The following FMNL2 variants were observed in gnomAD, a reference collection of about 807,000 sequenced individuals.
FMNL2 encodes the protein formin-like protein 2.
In FMNL2, 51 loss-of-function variants were observed where a neutral mutation model predicts 130.2. The ratio of observed to expected loss-of-function variants is 0.39; its 90% CI spans 0.31 to 0.49. FMNL2 has a LOEUF of 0.49. Among genes scored for constraint, FMNL2 ranks in the 20% least tolerant of loss-of-function variants. The pLI is 0.85. For missense variants in FMNL2, 977 were observed against 1,316.2 expected (o/e 0.74, Z 3.99); for synonymous variants, 465 against 467.1 (o/e 1.00, Z 0.06).
chr2:152,541,397 A>G (rs1162408209), intron 2 of FMNL2, among the ~76,000 whole-genome samples: 1 of 152,014 alleles, frequency 6.6e-6, no homozygotes, highest in Admixed American at 6.6e-5. Flanking sequence ...ATGAATCTTT[A>G]TTTTTCCTTT....
intron 1 of FMNL2, among the ~76,000 whole-genome samples, chr2:152,509,478 A>G (rs758429005): frequency 2.0e-4 from 31 of 152,074 alleles, no homozygotes; most frequent in Non-Finnish European, 4.6e-4. Context: ...AAAGCATCCA[A>G]ATATGCCAGA....
intron 25 of FMNL2, among the ~76,000 whole-genome samples, chr2:152,646,561 C>T (rs1339141325): frequency 6.7e-6 from 1 of 148,836 alleles, no homozygotes; most frequent in Non-Finnish European, 1.5e-5. Flanking sequence ...CCAATTTAAA[C>T]ACCAGGAAAC....
chr2:152,479,614 C>T (rs933099842), intron 1 of FMNL2, among the ~76,000 whole-genome samples: 1 of 151,414 alleles, frequency 6.6e-6, no homozygotes, highest in Non-Finnish European at 1.5e-5. Flanking sequence ...TCTAAATTAT[C>T]TACATGATGT....
intron 6 of FMNL2, among the ~76,000 whole-genome samples, chr2:152,572,678 G>A (rs750559080): frequency 6.6e-6 from 1 of 152,086 alleles, no homozygotes; most frequent in African/African-American, 2.4e-5. Flanking sequence ...AGGAATCTGA[G>A]GCTGCAGGGA....
intron 25 of FMNL2, among the ~76,000 whole-genome samples, chr2:152,645,024 A>G (rs537456267): frequency 6.6e-6 from 1 of 152,348 alleles, no homozygotes; most frequent in East Asian, 1.9e-4. Context: ...ATTTTGTGGC[A>G]TAACTATTCT....
chr2:152,395,909 G>T (rs1579564413), intron 1 of FMNL2, among the ~76,000 whole-genome samples: 1 of 151,284 alleles, frequency 6.6e-6, no homozygotes, highest in African/African-American at 2.4e-5. Flanking sequence ...GCCAGGGGGC[G>T]GGGCGGCGGC....
In FMNL2 at chr2:152,547,029, G is replaced by A. The variant is rs776835238; in HGVS notation, c.283-1992G>A. ...GGCCCGATTTCGGCTTGCTGCAACC[G>A]CTGCCTCCCAGGTGCAAACAGTTCT... On this transcript the variant is annotated intron_variant, in intron 3 of 25. Coordinates refer to ENST00000288670, the MANE Select transcript of FMNL2 (RefSeq NM_052905.4). Among the ~76,000 whole-genome samples, 7 of 147,350 alleles carry A rather than the reference G, an allele frequency of 4.8e-5. No individual in the cohort carries two copies. The East Asian group carries it at 8.0e-4, about 17-fold the overall frequency.
chr2:152,511,735 G>A (rs954545247), intron 1 of FMNL2, among the ~76,000 whole-genome samples: 2 of 152,124 alleles, frequency 1.3e-5, no homozygotes, highest in Non-Finnish European at 2.9e-5. Context: ...TAATCTTAAT[G>A]TCCTGAGAAG....
chr2:152,390,756 A>T (rs915138014), intron 1 of FMNL2: 21 of 599,702 alleles, frequency 3.5e-5, no homozygotes, highest in Middle Eastern at 4.5e-4. Context: ...TGGCCTAGAC[A>T]CACGGATCCC....
chr2:152,348,218 C>T (rs6433983), intron 1 of FMNL2, among the ~76,000 whole-genome samples: 77,894 of 152,058 alleles, frequency 0.51, 24,073 homozygotes, highest in Non-Finnish European at 0.72. Context: ...TTAAATATCA[C>T]TTTGTATAAC....
chr2:152,493,676 G>A (rs967627299), intron 1 of FMNL2, among the ~76,000 whole-genome samples: 2 of 152,160 alleles, frequency 1.3e-5, no homozygotes, highest in Admixed American at 1.3e-4. Flanking sequence ...CTGTTGCCAC[G>A]TGATCTCTGC....
intron 1 of FMNL2, among the ~76,000 whole-genome samples, chr2:152,392,720 A>G (rs1685184142): frequency 6.6e-6 from 1 of 152,172 alleles, no homozygotes; most frequent in African/African-American, 2.4e-5. Context: ...GGCAACACCT[A>G]AATTTTGGAA....
In FMNL2 at chr2:152,548,097, G is replaced by C. The variant is rs146074723; in HGVS notation, c.283-924G>C. On this transcript the variant is annotated intron_variant, in intron 3 of 25. Transcript: ENST00000288670. The stretch of plus-strand genomic sequence containing the variant: ...GAGGGATTCCTGGAAGGGTAGGTGG[G>C]ATTTTAACAGGCAAGGGAATGAGGA... Among the ~76,000 whole-genome samples the C allele has an allele frequency of 4.6e-5, 7 of 152,292 alleles. No homozygotes were observed. The East Asian group carries it at 1.2e-3, about 25-fold the overall frequency.
chr2:152,390,264 G>A (rs967385350), intron 1 of FMNL2: 1 of 1,448,900 alleles, frequency 6.9e-7, no homozygotes, highest in South Asian at 1.2e-5. Flanking sequence ...GCACCTCCGG[G>A]TGGGGCTCAA....
Position 152,637,629 on chromosome 2 carries a change from C to T in FMNL2, c.2901C>T (p.Pro967=), listed in dbSNP as rs1682734364. 3.7e-6 allele frequency: 6 copies of T among 1,613,870 alleles called. No individual in the cohort carries two copies. The highest frequency in any genetic ancestry group is 2.7e-5 in the African/African-American group (2 of 74,908). Residue 967 remains proline (P), a synonymous_variant, in exon 23 of 26, where the codon CCC becomes CCT. Coordinates refer to ENST00000288670, the MANE Select transcript of FMNL2 (RefSeq NM_052905.4). ...GAGAAAACCCCAAGACAACACCACC[C>T]TCTGTCTTCTTTCCTGTCTTTGTCC... is the stretch of plus-strand genomic sequence containing the variant. ...YFGENPKTTP[P]SVFFPVFVRF...
chr2:152,537,477 A>G (rs1014882668), intron 2 of FMNL2, among the ~76,000 whole-genome samples: 1 of 152,198 alleles, frequency 6.6e-6, no homozygotes, highest in Non-Finnish European at 1.5e-5. Context: ...TCTACGAGAG[A>G]CACAGCTGCG....
chr2:152,560,833 A>C (rs776787073), intron 5 of FMNL2, 50 bp from the exon 6 acceptor site: 1 of 1,556,024 alleles, frequency 6.4e-7, no homozygotes, highest in South Asian at 1.2e-5. Flanking sequence ...TCGTTTATAC[A>C]TGTGAATGTG....
At chr2:152,503,272 A>G (rs933810236) in intron 1 of FMNL2, among the ~76,000 whole-genome samples, 1 of 152,130 alleles carries the variant, frequency 6.6e-6, no homozygotes, top group African/African-American at 2.4e-5. Context: ...GTGGATGGAA[A>G]ATTACTAGGA....
At chr2:152,561,263 A>C (rs1017665655) in intron 6 of FMNL2, among the ~76,000 whole-genome samples, 2 of 152,204 alleles carry the variant, frequency 1.3e-5, no homozygotes, top group African/African-American at 4.8e-5. Flanking sequence ...TCAGCATAGA[A>C]GGTGGGAAAA....
Sources: gnomAD v4.1 joint callset for allele counts (sites outside exome capture counted in the v4.1 genomes callset) on GRCh38, gnomAD v4.1.1 for gene constraint, MANE v1.5 for transcripts, NCBI Gene and HGNC (gene_info 2026-07-23, HGNC 2026-07-21) for gene names.